The following MYCBPAP variants were observed in gnomAD, a reference collection of about 807,000 sequenced individuals.
MYCBPAP encodes the protein MYCBP associated protein, also known as MYCBP-associated protein.
A neutral mutation model predicts 106.1 loss-of-function variants in MYCBPAP; 60 were observed. That is an observed-to-expected ratio of 0.57 (90% CI 0.46 to 0.70). MYCBPAP has a LOEUF of 0.70. MYCBPAP is among the 30% of genes least tolerant of loss of function. MYCBPAP has a pLI of 0.00. For synonymous variants in MYCBPAP, 407 were observed against 440.6 expected, an observed-to-expected ratio of 0.92 and a Z score of 0.95; for missense variants, 1,064 against 1,169.3, an observed-to-expected ratio of 0.91 and a Z score of 1.31.
At chr17:50,528,420 G>A (rs1310208514) in intron 16 of MYCBPAP, 150 bp downstream of exon 16, 2 of 783,992 alleles carry the variant, frequency 2.6e-6, no homozygotes, top group Non-Finnish European at 2.0e-6. Flanking sequence ...CTTTCTGTCC[G>A]CTGCCAGGAT....
At position 50,509,196 on chromosome 17, in the gene MYCBPAP, A is replaced by G. The variant is rs1288053975; in HGVS notation, c.76+446A>G. 6 of 701,006 alleles carry G rather than the reference A, an allele frequency of 8.6e-6. No individual in the cohort carries two copies. The Admixed American group carries it at 1.0e-4, about 12-fold the overall frequency. 43.4% of individuals were successfully genotyped at this position (701,006 alleles called of 1,614,324 possible). ...CCTTGATGGGATTATTTGGTAGAGG[A>G]GGGTCGGGGAGCGGGGCAGGCGTCA... On this transcript the variant is annotated intron_variant, in intron 1 of 18. Coordinates refer to ENST00000323776, the MANE Select transcript of MYCBPAP (RefSeq NM_032133.6).
chr17:50,530,496 C>CTAAAAAAAAAAAAAAA (rs1567899333), intron 18 of MYCBPAP, among the ~76,000 whole-genome samples: 403 of 15,594 alleles, frequency 0.026, 8 homozygotes, highest in African/African-American at 0.11. Flanking sequence ...ACTCTTACCT[C>CTAAAAAAAAAAAAAAA]CAAAAAAAAA....
At chr17:50,526,336 G>C in intron 14 of MYCBPAP, 69 bp downstream of exon 14, 1 of 1,491,796 alleles carries the variant, frequency 6.7e-7, no homozygotes. Context: ...GGAGGACCCA[G>C]CAGCCCCTCT....
Position 50,529,182 on chromosome 17 carries a change from C to T in MYCBPAP, c.2718C>T (p.His906=). 7 of 1,611,438 alleles carry T rather than the reference C, an allele frequency of 4.3e-6. No homozygotes were observed. Among genetic ancestry groups the T allele is most frequent in the South Asian group, 2.2e-5 (2 of 90,902 alleles). Residue 906 remains histidine (H), a synonymous_variant, in exon 18 of 19, where the codon CAC becomes CAT. Coordinates refer to ENST00000323776, the MANE Select transcript of MYCBPAP (RefSeq NM_032133.6). ...TGGGGAAATACACCCAGAGCCTGCA[C>T]AGTGAGGTGAAGGGAAGCGCCCAGC... ...LVMGKYTQSL[H]SEVRGLLDTL...
At position 50,528,769 on chromosome 17, in the gene MYCBPAP, G is replaced by A. The variant is rs1439816193; in HGVS notation, c.2482G>A (p.Ala828Thr). The A allele has an allele frequency of 1.2e-6, 2 of 1,614,110 alleles. No individual in the cohort carries two copies. Among genetic ancestry groups the A allele is most frequent in the South Asian group, 1.1e-5 (1 of 91,078 alleles). ...KAGKEERKGA[A>T]QEKKQLGIKD... ...TGGGAAGGAGGAGCGGAAAGGAGCA[G>A]CCCAGGAAAAGAAGCAACTGGGGAT... The change falls in exon 17 of 19, where the codon GCC becomes ACC. Residue 828 changes from alanine to threonine, a missense_variant. Ala to Thr is a moderately conservative substitution (Grantham distance 58). Transcript: ENST00000323776.
chr17:50,516,594 A>T lies in MYCBPAP; in HGVS notation c.101A>T (p.Glu34Val). The T allele has an allele frequency of 6.2e-7, 1 of 1,614,216 alleles. No homozygotes were observed. Among genetic ancestry groups the T allele is most frequent in the South Asian group, 1.1e-5 (1 of 91,082 alleles). ...VKEKKRAKGP[E>V]QPTPTIQEEP... ...GAAAAGAAGCGGGCAAAGGGACCTGAACAACCCACACCCACAATTCAGGAA... is the reference window on the plus strand; with the variant it reads ...GAAAAGAAGCGGGCAAAGGGACCTGTACAACCCACACCCACAATTCAGGAA... Residue 34 changes from glutamate to valine, a missense_variant, in exon 2 of 19, where the codon GAA becomes GTA. Coordinates refer to ENST00000323776, the MANE Select transcript of MYCBPAP (RefSeq NM_032133.6).
chr17:50,519,816 C>T, intron 7 of MYCBPAP, 29 bp downstream of exon 7: 2 of 1,605,492 alleles, frequency 1.2e-6, no homozygotes, highest in Middle Eastern at 1.7e-4. Flanking sequence ...AGCCAGCTAG[C>T]ATCTTGTGCC....
Position 50,521,187 on chromosome 17 carries a change from C to T in MYCBPAP, c.994C>T (p.Leu332=). 1 of 1,613,696 alleles carries T rather than the reference C, an allele frequency of 6.2e-7. No homozygotes were observed. Among genetic ancestry groups the T allele is most frequent in the Non-Finnish European group, 8.5e-7 (1 of 1,179,906 alleles). The change falls in exon 8 of 19, where the codon CTG becomes TTG. Residue 332 remains leucine, a synonymous_variant. Coordinates refer to ENST00000323776, the MANE Select transcript of MYCBPAP (RefSeq NM_032133.6). The stretch of plus-strand genomic sequence containing the variant: ...GTTTCTGATCTACCGACGCAAGGAG[C>T]TGCAGAGAATCATGGAAGAGCTGGA... The part of the protein sequence containing the change: ...SLFLIYRRKE[L]QRIMEELDFS...
intron 1 of MYCBPAP, 65 bp from the exon 2 acceptor site, chr17:50,516,505 A>G (rs1398016354): frequency 1.2e-5 from 19 of 1,520,912 alleles, no homozygotes; most frequent in Middle Eastern, 1.8e-4. Flanking sequence ...TTATTTTTGT[A>G]TGTATATATT....
intron 14 of MYCBPAP, among the ~76,000 whole-genome samples, chr17:50,526,579 C>T (rs1319985595): frequency 8.1e-6 from 1 of 123,136 alleles, no homozygotes; most frequent in African/African-American, 3.3e-5. Context: ...CATGTGCCAC[C>T]ACACCTGGCT....
In MYCBPAP at chr17:50,517,537, C is replaced by T. The variant is rs115437874; in HGVS notation, c.365-58C>T. The T allele has an allele frequency of 8.3e-4, 1,342 of 1,613,094 alleles. 8 individuals are homozygous for T. The African/African-American group carries it at 0.016, about 19-fold the overall frequency. On this transcript the variant is annotated intron_variant, in intron 3 of 18. Coordinates refer to ENST00000323776, the MANE Select transcript of MYCBPAP (RefSeq NM_032133.6). ...AAACCCAGTCTCCATCAGAAAGTTG[C>T]CCTCTTGAAAGTTGTCCACCCACAG... is the stretch of plus-strand genomic sequence containing the variant.
rs1458263685 is a variant in MYCBPAP, at chr17:50,508,741, A to G, written c.67A>G (p.Asn23Asp). The change falls in exon 1 of 19, where the codon AAT (asparagine) becomes GAT (aspartate). Residue 23 changes from asparagine (N) to aspartate (D), a missense_variant. By Grantham distance (23) the Asn-to-Asp change is conservative. Coordinates refer to ENST00000323776, the MANE Select transcript of MYCBPAP (RefSeq NM_032133.6). ...GACCAGATTATTAGAGGCCTCAGAG[A>G]ATGTCAAAGGTTGGCGCTGGCTGCC... is the stretch of plus-strand genomic sequence containing the variant. ...TPTRLLEASE[N>D]VKEKKRAKGP... 1.2e-6 allele frequency: 2 copies of G among 1,610,206 alleles called. No individual in the cohort carries two copies. Among genetic ancestry groups the G allele is most frequent in the Non-Finnish European group, 1.7e-6 (2 of 1,178,082 alleles).
chr17:50,517,767 G>A, intron 4 of MYCBPAP, 69 bp downstream of exon 4: 1 of 1,291,290 alleles, frequency 7.7e-7, no homozygotes, highest in Non-Finnish European at 1.1e-6. Flanking sequence ...ACCTGACACA[G>A]TCAAGCAGGG....
chr17:50,516,272 G>A (rs1567884231), intron 1 of MYCBPAP, among the ~76,000 whole-genome samples: 1 of 152,184 alleles, frequency 6.6e-6, no homozygotes, highest in African/African-American at 2.4e-5. Context: ...TTACAGGCAT[G>A]AGCCACCACA....
chr17:50,528,571 G>A (rs1015128836), intron 16 of MYCBPAP, 124 bp from the exon 17 acceptor site: 18 of 1,290,682 alleles, frequency 1.4e-5, no homozygotes, highest in South Asian at 4.4e-5. Flanking sequence ...GAAGCCACGC[G>A]CCTACCAGGG....
At position 50,525,659 on chromosome 17, in the gene MYCBPAP, C is replaced by CTCTTTTT. The variant is rs57947501; in HGVS notation, c.1783-221_1783-220insCTTTTTT. ...ACATCACCATGCTCAGCTAATTTCT[C>CTCTTTTT]TTTTTTTTTTTGGTAGAGATAGGAT... is the stretch of plus-strand genomic sequence containing the variant. On this transcript the variant is annotated intron_variant, in intron 13 of 18. Coordinates refer to ENST00000323776, the MANE Select transcript of MYCBPAP (RefSeq NM_032133.6). Among the ~76,000 whole-genome samples, 15 of 131,398 alleles carry CTCTTTTT rather than the reference C, an allele frequency of 1.1e-4. 1 individual carries two copies. Among genetic ancestry groups the CTCTTTTT allele is most frequent in the African/African-American group, 4.0e-4 (14 of 34,998 alleles). 86.2% of individuals were successfully genotyped at this position (131,398 alleles called of 152,430 possible).
At chr17:50,525,219 G>T in intron 13 of MYCBPAP, 196 bp downstream of exon 13, 4 of 591,060 alleles carry the variant, frequency 6.8e-6, no homozygotes, top group Non-Finnish European at 8.7e-6. Flanking sequence ...TGCGAGGGAT[G>T]GAAATTGTAC....
At position 50,529,029 on chromosome 17, in the gene MYCBPAP, C is replaced by T. The variant is rs1279250407; in HGVS notation, c.2565C>T (p.Asn855=). ...CCCTCCCCCAGCAGGACCGTCCCAA[C>T]AGCAAGAAGCACAAGGCAAAGGATG... The part of the protein sequence containing the change: ...AKLLGKEDRP[N]SKKHKAKDDK... The change falls in exon 18 of 19, where the codon AAC becomes AAT. Residue 855 remains asparagine, a synonymous_variant. Transcript: ENST00000323776. 10 of 1,613,798 alleles carry T rather than the reference C, an allele frequency of 6.2e-6. No individual in the cohort carries two copies. In the South Asian group the frequency reaches 9.9e-5, roughly 16 times the overall value.
chr17:50,523,838 T>G, intron 12 of MYCBPAP, 54 bp downstream of exon 12: 1 of 1,540,182 alleles, frequency 6.5e-7, no homozygotes, highest in Non-Finnish European at 8.8e-7. Context: ...TATCCTGGTG[T>G]TCTTCCTGGC....
Sources: allele counts gnomAD v4.1 joint callset (sites outside exome capture counted in the v4.1 genomes callset), GRCh38; gene constraint gnomAD v4.1.1; transcripts MANE v1.5; gene names NCBI Gene and HGNC (gene_info 2026-07-23, HGNC 2026-07-21).